PPFIA3: variants seen among roughly 807,000 people sequenced by gnomAD.
The protein encoded by PPFIA3 is liprin-alpha-3.
A neutral mutation model predicts 145.8 loss-of-function variants in PPFIA3; 26 were observed. That is an observed-to-expected ratio of 0.18 (90% confidence interval 0.13 to 0.25). The LOEUF (loss-of-function observed/expected upper bound fraction) is 0.25. PPFIA3 is among the 10% of genes least tolerant of loss of function. The pLI, the probability that PPFIA3 is intolerant of heterozygous loss-of-function variation, is 1.00. For missense variants in PPFIA3, 1,008 were observed against 1,587.8 expected, an observed-to-expected ratio of 0.63 and a Z score of 6.21; for synonymous variants, 645 against 661.4, an observed-to-expected ratio of 0.98 and a Z score of 0.38.
At chr19:49,142,768 C>T (rs781630829) in intron 20 of PPFIA3, 36 bp from the exon 21 acceptor site, 1 of 1,595,696 alleles carries the variant, frequency 6.3e-7, no homozygotes. Flanking sequence ...TCCTCTGTCC[C>T]TCTGTCCCCT....
At position 49,130,256 on chromosome 19, in the gene PPFIA3, C is replaced by A; in HGVS notation, c.658-122C>A. The A allele has an allele frequency of 1.7e-6, 2 of 1,200,272 alleles. No individual in the cohort carries two copies. Among genetic ancestry groups the A allele is most frequent in the Non-Finnish European group, 2.3e-6 (2 of 863,610 alleles). 74.4% of individuals were successfully genotyped at this position (1,200,272 alleles called of 1,614,324 possible). Reference sequence around the variant, plus strand: ...GACCTCCTTCACTGACCCCCGTGGACTCTGACCAGCATGATCCTTATTGAT... The same window carrying A: ...GACCTCCTTCACTGACCCCCGTGGAATCTGACCAGCATGATCCTTATTGAT... On this transcript the variant is annotated intron_variant, in intron 6 of 29. Transcript: ENST00000334186. This position sits in a 1 kb window ranked among gnomAD's most constrained non-coding sequence, Gnocchi z 4.5.
intron 25 of PPFIA3, 66 bp downstream of exon 25, chr19:49,148,829 G>A: frequency 1.3e-6 from 2 of 1,544,820 alleles, no homozygotes; most frequent in South Asian, 1.1e-5. Flanking sequence ...GGGGAGGAGA[G>A]GGGGTAGGGG....
chr19:49,134,279 C>T lies in PPFIA3; in HGVS notation c.1377+114C>T, dbSNP rs570362346. 218 of 1,396,238 alleles carry T rather than the reference C, an allele frequency of 1.6e-4. 3 individuals carry two copies. In the South Asian group the frequency reaches 2.9e-3, roughly 18 times the overall value. The allele number at this position is 1,396,238 out of a possible 1,614,324, so 86.5% of individuals were successfully genotyped here. ...TGTTATCGGAGGCCTCCCTAAACCC[C>T]GGCATCCTGAGTTGGGCAGCCTTCT... is the stretch of plus-strand genomic sequence containing the variant. On this transcript the variant is annotated intron_variant, in intron 11 of 29. Transcript: ENST00000334186.
In PPFIA3 at chr19:49,130,594, A is replaced by C. The variant is rs2041057451; in HGVS notation, c.874A>C (p.Lys292Gln). The change falls in exon 7 of 30, where the codon AAG becomes CAG. Residue 292 changes from lysine (K) to glutamine (Q), a missense_variant. Lys to Gln is a moderately conservative substitution (Grantham distance 53, BLOSUM62 1). Around this residue, in one of 11 missense-constraint regions of PPFIA3, gnomAD observed 109 missense variants for 198.1 expected, o/e 0.55. Coordinates refer to ENST00000334186, the MANE Select transcript of PPFIA3 (RefSeq NM_003660.4). This position sits in a 1 kb window ranked among gnomAD's most constrained non-coding sequence, Gnocchi z 4.5. ...EANSKLQRDL[K>Q]EALAQREDME... Reference sequence around the variant, plus strand: ...CAACTCCAAGCTGCAGCGCGACCTCAAGGAGGTGAGGCCCCCAGGGAGGCG... The same window carrying C: ...CAACTCCAAGCTGCAGCGCGACCTCCAGGAGGTGAGGCCCCCAGGGAGGCG... 46 of 1,552,608 alleles carry C rather than the reference A, an allele frequency of 3.0e-5. No homozygotes were observed. The highest frequency in any genetic ancestry group is 4.0e-5 in the Non-Finnish European group (46 of 1,148,746).
intron 18 of PPFIA3, among the ~76,000 whole-genome samples, chr19:49,140,639 CTTTTTTTTTTTTTTT>C (rs4002348): frequency 3.9e-4 from 25 of 63,834 alleles, no homozygotes; most frequent in African/African-American, 1.8e-3. Flanking sequence ...ACTCATTTAC[CTTTTTTTTTTTTTTT>C]TTTTTTTTTT....
intron 7 of PPFIA3, among the ~76,000 whole-genome samples, chr19:49,131,023 C>G (rs960846116): frequency 4.9e-4 from 55 of 113,228 alleles, no homozygotes; most frequent in Non-Finnish European, 9.2e-4. Flanking sequence ...CACCATGCAC[C>G]GCTAATTTTT....
intron 1 of PPFIA3, among the ~76,000 whole-genome samples, chr19:49,125,093 G>T (rs190846129): frequency 1.6e-4 from 25 of 152,172 alleles, no homozygotes; most frequent in African/African-American, 3.6e-4. Context: ...GATCATGTTG[G>T]TTTTTTGCCT....
At position 49,130,438 on chromosome 19, in the gene PPFIA3, G is replaced by C; in HGVS notation, c.718G>C (p.Glu240Gln). The stretch of plus-strand genomic sequence containing the variant: ...CAACCGGCGCACAGCAGAGCTGGAG[G>C]AGGCCCTGGAGCGGCAGCGCGCCGA... Reference protein sequence around the residue: ...DSNRRTAELEEALERQRAEVC... With the variant: ...DSNRRTAELEQALERQRAEVC... Residue 240 changes from glutamate to glutamine, a missense_variant, in exon 7 of 30, where the codon GAG (glutamate) becomes CAG (glutamine). Physicochemically the swap from Glu to Gln is conservative, Grantham distance 29. Transcript: ENST00000334186. The surrounding 1 kb of genome is among the most constrained non-coding windows in gnomAD (Gnocchi z 4.5). 1 of 1,610,762 alleles carries C rather than the reference G, an allele frequency of 6.2e-7. No individual in the cohort carries two copies. The highest frequency in any genetic ancestry group is 8.5e-7 in the Non-Finnish European group (1 of 1,178,880).
rs2041133527 is a variant in PPFIA3 at position 49,136,015 on chromosome 19, C to G, written c.1665+92C>G. The stretch of plus-strand genomic sequence containing the variant: ...AAATCTGTGGGGCTCCGGGAGGAAG[C>G]TGGGTTGAGAGGCAGGATCTCTTGG... On this transcript the variant is annotated intron_variant, in intron 14 of 29. Transcript: ENST00000334186. 5 of 1,371,032 alleles carry G rather than the reference C, an allele frequency of 3.6e-6. No homozygotes were observed. The South Asian group carries it at 4.8e-5, about 13-fold the overall frequency. 84.9% of individuals were successfully genotyped at this position (1,371,032 alleles called of 1,614,324 possible). A position where few individuals can be genotyped will look rare whatever the true frequency, so the allele number is the denominator to read the frequency against.
rs767574654 is a variant in PPFIA3 at position 49,127,860 on chromosome 19, C to T, written c.-14C>T. 3.8e-6 allele frequency: 6 copies of T among 1,590,462 alleles called. No individual in the cohort carries two copies. In the South Asian group the frequency reaches 6.6e-5, roughly 18 times the overall value. ...TTCCTTGCCCTCCCCGCCCCGCAGG[C>T]CCGCACCGCCGCCATGATGTGCGAG... On this transcript the variant is annotated splice_region_variant and 5_prime_UTR_variant, in exon 2 of 30. Transcript: ENST00000334186.
At chr19:49,122,896 T>C (rs1266281865) in intron 1 of PPFIA3, among the ~76,000 whole-genome samples, 1 of 150,922 alleles carries the variant, frequency 6.6e-6, no homozygotes, top group Admixed American at 6.6e-5. Context: ...TAATATTTTG[T>C]ATTTTTGGTA....
chr19:49,124,757 G>C (rs1288969380), intron 1 of PPFIA3, among the ~76,000 whole-genome samples: 1 of 152,048 alleles, frequency 6.6e-6, no homozygotes, highest in African/African-American at 2.4e-5. Context: ...CGTCAGAGTG[G>C]GTTGCTGGTT....
chr19:49,135,291 C>G (rs1170984532), intron 13 of PPFIA3, among the ~76,000 whole-genome samples: 1 of 152,240 alleles, frequency 6.6e-6, no homozygotes, highest in African/African-American at 2.4e-5. Flanking sequence ...ATCCTCCCCC[C>G]TCGGCCTCCC....
At chr19:49,132,880 G>A (rs1254132024) in intron 7 of PPFIA3, 121 bp from the exon 8 acceptor site, 3 of 1,304,378 alleles carry the variant, frequency 2.3e-6, no homozygotes, top group Admixed American at 2.3e-5. Flanking sequence ...AGCTCTTAGC[G>A]GGTGTGACAC....
At chr19:49,141,954 T>C in intron 19 of PPFIA3, 80 bp from the exon 20 acceptor site, 1 of 1,045,182 alleles carries the variant, frequency 9.6e-7, no homozygotes, top group South Asian at 1.5e-5. Flanking sequence ...TGTGTGTGTA[T>C]GTGTGCTGAT....
intron 19 of PPFIA3, 103 bp from the exon 20 acceptor site, chr19:49,141,931 A>G: frequency 4.3e-6 from 3 of 690,960 alleles, no homozygotes; most frequent in Non-Finnish European, 6.6e-6. Context: ...GCGTGTGCGT[A>G]TGTGCATGTG....
In PPFIA3 at chr19:49,128,352, C is replaced by T. The variant is rs771097332; in HGVS notation, c.241-15C>T. On this transcript the variant is annotated splice_polypyrimidine_tract_variant and intron_variant, in intron 2 of 29. Transcript: ENST00000334186. The surrounding 1 kb of genome is among the most constrained non-coding windows in gnomAD (Gnocchi z 4.1). ...GATTGAGCCGAATGTCCAGATCCTG[C>T]CAATGTCTGGACAGGAGTTTGCAGC... 8.1e-6 allele frequency: 13 copies of T among 1,610,460 alleles called. No homozygotes were observed. The highest frequency in any genetic ancestry group is 4.5e-5 in the East Asian group (2 of 44,866).
intron 13 of PPFIA3, 40 bp from the exon 14 acceptor site, chr19:49,135,739 C>T: frequency 6.4e-7 from 1 of 1,570,954 alleles, no homozygotes; most frequent in Non-Finnish European, 8.6e-7. Context: ...TGCTCTTTTC[C>T]TGACCCCTTG....
Position 49,128,782 on chromosome 19 carries a change from C to A in PPFIA3, c.343-66C>A. 7.0e-7 allele frequency: 1 copy of A among 1,435,616 alleles called. No homozygotes were observed. The highest frequency in any genetic ancestry group is 9.4e-7 in the Non-Finnish European group (1 of 1,063,444). 88.9% of individuals were successfully genotyped at this position (1,435,616 alleles called of 1,614,324 possible). A position where few individuals can be genotyped will look rare whatever the true frequency, so the allele number is the denominator to read the frequency against. On this transcript the variant is annotated intron_variant, in intron 3 of 29. Transcript: ENST00000334186. This position sits in a 1 kb window ranked among gnomAD's most constrained non-coding sequence, Gnocchi z 4.1. ...TCCATGTGTCCGCCCTACCTGTCAC[C>A]CTTTTTCTCACATCTGCCCCTTTTC...
Sources: allele counts gnomAD v4.1 joint callset (sites outside exome capture counted in the v4.1 genomes callset), GRCh38; gene constraint gnomAD v4.1.1; regional missense constraint gnomAD v4.1.1; non-coding constraint Gnocchi (gnomAD v3.1); transcripts MANE v1.5; gene names NCBI Gene and HGNC (gene_info 2026-07-23, HGNC 2026-07-21).